Variants in UBE2E1 observed in about 807,000 individuals in gnomAD.
UBE2E1 encodes the protein ubiquitin-conjugating enzyme E2 E1.
In UBE2E1, 6 loss-of-function variants were observed where a neutral mutation model predicts 21.4. That is an observed-to-expected ratio of 0.28 (90% CI 0.15 to 0.55). UBE2E1 has a LOEUF of 0.55. UBE2E1 is among the 20% of genes least tolerant of loss of function. The pLI is 0.93. For synonymous variants in UBE2E1, 87 were observed against 82.7 expected (o/e 1.05, Z -0.28); for missense variants, 142 against 236.5 (o/e 0.60, Z 2.62).
chr3:23,810,410 G>T lies in UBE2E1; in HGVS notation c.153-1050G>T, dbSNP rs115008405. On this transcript the variant is annotated intron_variant, in intron 2 of 5. Transcript: ENST00000306627. The surrounding 1 kb of genome is among the most constrained non-coding windows in gnomAD (Gnocchi z 5.8). Reference sequence around the variant, plus strand: ...GGATGGGGCCCTTTGTGAAGTCGAGGGTTGGTGCGGAGGGAGAAAACTGCA... The same window carrying T: ...GGATGGGGCCCTTTGTGAAGTCGAGTGTTGGTGCGGAGGGAGAAAACTGCA... 1,791 of 1,533,762 alleles carry T rather than the reference G, an allele frequency of 1.2e-3. 15 individuals carry two copies. In the African/African-American group the frequency reaches 0.02, roughly 17 times the overall value.
chr3:23,865,768 A>G (rs766191270), intron 3 of UBE2E1, among the ~76,000 whole-genome samples: 3 of 152,230 alleles, frequency 2.0e-5, no homozygotes, highest in Non-Finnish European at 2.9e-5. Flanking sequence ...ATGAAGTAGC[A>G]TATGACTCTG....
intron 3 of UBE2E1, among the ~76,000 whole-genome samples, chr3:23,812,410 T>G (rs1699415274): frequency 6.6e-6 from 1 of 152,230 alleles, no homozygotes; most frequent in African/African-American, 2.4e-5. Context: ...GACAAAGTAT[T>G]CAGCGGCTAT....
chr3:23,889,049 G>A, intron 4 of UBE2E1, 63 bp from the exon 5 acceptor site: 2 of 1,510,466 alleles, frequency 1.3e-6, no homozygotes, highest in South Asian at 2.6e-5. Flanking sequence ...GGGTCATTCA[G>A]TTGAATATTT....
chr3:23,823,452 T>C lies in UBE2E1; in HGVS notation c.203+11942T>C, dbSNP rs2125288505. 6.6e-6 allele frequency among the ~76,000 whole-genome samples: 1 copy of C among 152,366 alleles called. No homozygotes were observed. Among genetic ancestry groups the C allele is most frequent in the South Asian group, 2.1e-4 (1 of 4,828 alleles). On this transcript the variant is annotated intron_variant, in intron 3 of 5. Coordinates refer to ENST00000306627, the MANE Select transcript of UBE2E1 (RefSeq NM_003341.5). The surrounding 1 kb of genome is among the most constrained non-coding windows in gnomAD (Gnocchi z 4.2). ...ATAATATGTGGAACCACAACTGTTT[T>C]GGCTACGTAGGAATTTTGCTCCACA...
chr3:23,841,693 G>A (rs983937496), intron 3 of UBE2E1, among the ~76,000 whole-genome samples: 1 of 152,162 alleles, frequency 6.6e-6, no homozygotes, highest in Non-Finnish European at 1.5e-5. Context: ...AGCCACATTT[G>A]TAGCCACCAT....
chr3:23,863,279 T>C lies in UBE2E1; in HGVS notation c.204-24288T>C, dbSNP rs1238958458. On this transcript the variant is annotated intron_variant, in intron 3 of 5. Transcript: ENST00000306627. This position sits in a 1 kb window ranked among gnomAD's most constrained non-coding sequence, Gnocchi z 4.3. ...CTTCCTTTATCCTGTTTTGCTTAGA[T>C]CAATGTTGATAAAATATTCACTGTT... Among the ~76,000 whole-genome samples, 1 of 152,198 alleles carries C rather than the reference T, an allele frequency of 6.6e-6. No homozygotes were observed. Among genetic ancestry groups the C allele is most frequent in the Non-Finnish European group, 1.5e-5 (1 of 68,034 alleles).
At position 23,871,375 on chromosome 3, in the gene UBE2E1, G is replaced by A. The variant is rs189102696; in HGVS notation, c.204-16192G>A. Among the ~76,000 whole-genome samples the A allele has an allele frequency of 2.2e-3, 321 of 144,088 alleles. 13 individuals carry two copies. Among genetic ancestry groups the A allele is most frequent in the Middle Eastern group, 0.011 (3 of 266 alleles). The allele number at this position is 144,088 out of a possible 152,430, so 94.5% of individuals were successfully genotyped here. On this transcript the variant is annotated intron_variant, in intron 3 of 5. Coordinates refer to ENST00000306627, the MANE Select transcript of UBE2E1 (RefSeq NM_003341.5). ...CACCTCCCGGACGGGGCGGCTGGCC[G>A]GGCGGGGGGCTGACCCCCCCACACC...
At position 23,810,364 on chromosome 3, in the gene UBE2E1, T is replaced by A; in HGVS notation, c.153-1096T>A. 6.9e-7 allele frequency: 1 copy of A among 1,447,768 alleles called. No homozygotes were observed. Among genetic ancestry groups the A allele is most frequent in the Non-Finnish European group, 9.4e-7 (1 of 1,068,524 alleles). The allele number at this position is 1,447,768 out of a possible 1,614,324, so 89.7% of individuals were successfully genotyped here. A position where few individuals can be genotyped will look rare whatever the true frequency, so the allele number is the denominator to read the frequency against. ...CCAGGGCTTGGTGTGAACTGCCTGG[T>A]GGCTTCGGCCTATGAGTGGGGGATG... is the stretch of plus-strand genomic sequence containing the variant. On this transcript the variant is annotated intron_variant, in intron 2 of 5. Transcript: ENST00000306627. The surrounding 1 kb of genome is among the most constrained non-coding windows in gnomAD (Gnocchi z 5.8).
In UBE2E1 at chr3:23,842,250, G is replaced by GTGTGTGGGGTGT. The variant is rs1553637746; in HGVS notation, c.203+30743_203+30744insGTGGGGTGTTGT. ...GTGTGTGTGTGTGTGTGTGTGTGTGGTGTTGTTGTTGTTGGCGACAGGGTC... is the reference window on the plus strand; with the variant it reads ...GTGTGTGTGTGTGTGTGTGTGTGTGGTGTGTGGGGTGTTGTTGTTGTTGTTGGCGACAGGGTC... On this transcript the variant is annotated intron_variant, in intron 3 of 5. Coordinates refer to ENST00000306627, the MANE Select transcript of UBE2E1 (RefSeq NM_003341.5). The surrounding 1 kb of genome is among the most constrained non-coding windows in gnomAD (Gnocchi z 4.6). Among the ~76,000 whole-genome samples the GTGTGTGGGGTGT allele has an allele frequency of 1.2e-5, 1 of 86,370 alleles. No homozygotes were observed. Among genetic ancestry groups the GTGTGTGGGGTGT allele is most frequent in the East Asian group, 3.0e-4 (1 of 3,288 alleles). 56.7% of individuals were successfully genotyped at this position (86,370 alleles called of 152,430 possible). A position where few individuals can be genotyped will look rare whatever the true frequency, so the allele number is the denominator to read the frequency against.
chr3:23,810,400 T>G lies in UBE2E1; in HGVS notation c.153-1060T>G. The stretch of plus-strand genomic sequence containing the variant: ...TATGAGTGGGGGATGGGGCCCTTTG[T>G]GAAGTCGAGGGTTGGTGCGGAGGGA... On this transcript the variant is annotated intron_variant, in intron 2 of 5. Coordinates refer to ENST00000306627, the MANE Select transcript of UBE2E1 (RefSeq NM_003341.5). The surrounding 1 kb of genome is among the most constrained non-coding windows in gnomAD (Gnocchi z 5.8). 3 of 1,531,722 alleles carry G rather than the reference T, an allele frequency of 2.0e-6. No individual in the cohort carries two copies. Among genetic ancestry groups the G allele is most frequent in the Non-Finnish European group, 2.6e-6 (3 of 1,143,682 alleles). 94.9% of individuals were successfully genotyped at this position (1,531,722 alleles called of 1,614,324 possible).
At chr3:23,826,685 G>T (rs536768929) in intron 3 of UBE2E1, among the ~76,000 whole-genome samples, 10 of 152,230 alleles carry the variant, frequency 6.6e-5, no homozygotes, top group African/African-American at 2.4e-4. Flanking sequence ...CAATTTTCTT[G>T]ATTTGGTAGA....
intron 3 of UBE2E1, among the ~76,000 whole-genome samples, chr3:23,883,537 TTC>T (rs1255124770): frequency 1.1e-4 from 17 of 152,302 alleles, no homozygotes; most frequent in African/African-American, 2.2e-4. Context: ...ATCAGAATTT[TTC>T]TGTTTTATTC....
Position 23,885,871 on chromosome 3 carries a change from C to CA in UBE2E1, c.204-1688dup, listed in dbSNP as rs199858555. On this transcript the variant is annotated intron_variant, in intron 3 of 5. Transcript: ENST00000306627. ...GCAAAACTCCGCCTTAAAAAACAAA[C>CA]AAAAAAAACAAAACAAACAAAAAAA... Among the ~76,000 whole-genome samples, 377 of 150,490 alleles carry CA rather than the reference C, an allele frequency of 2.5e-3. 1 individual carries two copies. Among genetic ancestry groups the CA allele is most frequent in the African/African-American group, 8.4e-3 (342 of 40,850 alleles).
At position 23,857,253 on chromosome 3, in the gene UBE2E1, T is replaced by C. The variant is rs1043432761; in HGVS notation, c.204-30314T>C. On this transcript the variant is annotated intron_variant, in intron 3 of 5. Coordinates refer to ENST00000306627, the MANE Select transcript of UBE2E1 (RefSeq NM_003341.5). ...TATGTTTTAGAGTCTGGTGGTTTTT[T>C]TTTTCTTTCTGCATAGGAAAGTTTG... Among the ~76,000 whole-genome samples, 6 of 152,090 alleles carry C rather than the reference T, an allele frequency of 3.9e-5. 1 individual carries two copies. The highest frequency in any genetic ancestry group is 6.5e-5 in the Admixed American group (1 of 15,294).
chr3:23,808,077 T>G lies in UBE2E1; in HGVS notation c.152+656T>G, dbSNP rs887356663. The stretch of plus-strand genomic sequence containing the variant: ...TTACCAATTTCAGGGAGACTTGTCT[T>G]TTTTTCATGCTATTTGCTGTCCTCA... On this transcript the variant is annotated intron_variant, in intron 2 of 5. Coordinates refer to ENST00000306627, the MANE Select transcript of UBE2E1 (RefSeq NM_003341.5). This position sits in a 1 kb window ranked among gnomAD's most constrained non-coding sequence, Gnocchi z 4.9. Among the ~76,000 whole-genome samples the G allele has an allele frequency of 2.6e-5, 4 of 152,222 alleles. No individual in the cohort carries two copies. Among genetic ancestry groups the G allele is most frequent in the Non-Finnish European group, 5.9e-5 (4 of 68,034 alleles).
At chr3:23,821,441 A>G (rs1305892411) in intron 3 of UBE2E1, among the ~76,000 whole-genome samples, 1 of 152,138 alleles carries the variant, frequency 6.6e-6, no homozygotes, top group Non-Finnish European at 1.5e-5. Context: ...GAGAGTTTGG[A>G]TTTTTCTCAA....
intron 3 of UBE2E1, among the ~76,000 whole-genome samples, chr3:23,878,468 C>T (rs1329982909): frequency 6.6e-6 from 1 of 152,238 alleles, no homozygotes; most frequent in Non-Finnish European, 1.5e-5. Flanking sequence ...GCCACAGACC[C>T]CGTACTGGTC....
intron 1 of UBE2E1, 159 bp from the exon 2 acceptor site, chr3:23,807,078 G>A (rs563290643): frequency 1.1e-5 from 6 of 534,384 alleles, no homozygotes; most frequent in Admixed American, 3.7e-5. Flanking sequence ...CGTCCGATTT[G>A]CAAAAGCCTT....
chr3:23,871,911 T>C (rs1359976025), intron 3 of UBE2E1, among the ~76,000 whole-genome samples: 123 of 137,432 alleles, frequency 8.9e-4, no homozygotes, highest in African/African-American at 2.3e-3. Flanking sequence ...GCAGAGGGGC[T>C]CCTCACGTCC....
Sources: gnomAD v4.1 joint callset for allele counts (sites outside exome capture counted in the v4.1 genomes callset) on GRCh38, gnomAD v4.1.1 for gene constraint, Gnocchi (gnomAD v3.1) non-coding constraint, MANE v1.5 for transcripts, NCBI Gene and HGNC (gene_info 2026-07-23, HGNC 2026-07-21) for gene names.